The following ZFR2 variants were observed in gnomAD, a reference collection of about 807,000 sequenced individuals.
ZFR2 encodes zinc finger RNA-binding protein 2.
Under a neutral mutation model 105.7 loss-of-function variants are expected in ZFR2, and 104 were observed. The ratio of observed to expected loss-of-function variants is 0.98; its 90% confidence interval spans 0.84 to 1.16. ZFR2 has a LOEUF of 1.16. Among genes scored for constraint, ZFR2 ranks in the 50% most tolerant of loss-of-function variants. The pLI, the probability that ZFR2 is intolerant of heterozygous loss-of-function variation, is 0.00. For synonymous variants in ZFR2, 634 were observed against 597.7 expected (o/e 1.06, Z -0.89); for missense variants, 1,425 against 1,355.5 (o/e 1.05, Z -0.80).
At chr19:3,861,650 G>C (rs976083145) in intron 1 of ZFR2, among the ~76,000 whole-genome samples, 3 of 150,346 alleles carry the variant, frequency 2.0e-5, no homozygotes, top group Admixed American at 2.0e-4. Flanking sequence ...ATAGGGCTGG[G>C]CACGGTGGCT....
At chr19:3,810,678 C>G in intron 16 of ZFR2, 72 bp downstream of exon 16, 1 of 1,406,588 alleles carries the variant, frequency 7.1e-7, no homozygotes, top group East Asian at 2.5e-5. Flanking sequence ...TGTCTCTCAG[C>G]CTGGGCCTGT....
In ZFR2 at chr19:3,833,714, G is replaced by A; in HGVS notation, c.329C>T (p.Ser110Phe). 2 of 1,580,042 alleles carry A rather than the reference G, an allele frequency of 1.3e-6. No individual in the cohort carries two copies. Among genetic ancestry groups the A allele is most frequent in the Non-Finnish European group, 1.7e-6 (2 of 1,162,724 alleles). The change falls in exon 3 of 19, where the codon TCT (serine) becomes TTT (phenylalanine). Residue 110 changes from serine to phenylalanine, a missense_variant. Transcript: ENST00000262961. ...CATGCGCCCAGACTGGAGGGCAGCA[G>A]ACTGGAAGTACGGCCTGTCCTCATA... ...RSYEDRPYFQ[S>F]AALQSGRMTA...
intron 1 of ZFR2, chr19:3,855,571 T>C (rs2038288230): frequency 1.5e-6 from 1 of 665,274 alleles, no homozygotes. Context: ...TGCGCGATAG[T>C]CCAGGGAGAC....
chr19:3,815,249 C>T (rs1350359989), intron 13 of ZFR2, among the ~76,000 whole-genome samples: 1 of 152,024 alleles, frequency 6.6e-6, no homozygotes, highest in African/African-American at 2.4e-5. Context: ...ACCACCATGC[C>T]CGGCTAATTT....
At chr19:3,818,690 C>T (rs894936961) in intron 12 of ZFR2, among the ~76,000 whole-genome samples, 1 of 152,208 alleles carries the variant, frequency 6.6e-6, no homozygotes, top group Admixed American at 6.6e-5. Flanking sequence ...CTCCCCAAGG[C>T]GGAGAAGTCC....
chr19:3,808,694 C>T (rs1488472496), intron 17 of ZFR2, among the ~76,000 whole-genome samples, 178 bp downstream of exon 17: 2 of 152,260 alleles, frequency 1.3e-5, no homozygotes, highest in African/African-American at 4.8e-5. Context: ...TGGTGTCCTC[C>T]ATGACCGCGG....
chr19:3,842,930 C>T (rs1216085912), intron 1 of ZFR2, among the ~76,000 whole-genome samples: 1 of 152,034 alleles, frequency 6.6e-6, no homozygotes, highest in South Asian at 2.1e-4. Context: ...TGGCCCATTT[C>T]AGAACATTTC....
At position 3,806,078 on chromosome 19, in the gene ZFR2, G is replaced by A. The variant is rs1235941771; in HGVS notation, c.2691C>T (p.Gly897=). Residue 897 remains glycine, a synonymous_variant, in exon 19 of 19, where the codon GGC becomes GGT. Transcript: ENST00000262961. The part of the protein sequence containing the change: ...LAFRQTHKVL[G]MDLLPPRHRL... The stretch of plus-strand genomic sequence containing the variant: ...GGTGTCTGGGCGGCAGGAGATCCAT[G>A]CCCAGGACCTTGTGGGTCTGCCGGA... 2 of 1,514,852 alleles carry A rather than the reference G, an allele frequency of 1.3e-6. No homozygotes were observed. The highest frequency in any genetic ancestry group is 5.1e-5 in the East Asian group (2 of 39,130). The allele number at this position is 1,514,852 out of a possible 1,614,324, so 93.8% of individuals were successfully genotyped here.
intron 11 of ZFR2, among the ~76,000 whole-genome samples, chr19:3,819,493 A>G (rs1409847511): frequency 6.6e-6 from 1 of 152,208 alleles, no homozygotes. Flanking sequence ...CCATATTCTT[A>G]AATTTCCAGA....
chr19:3,813,639 G>A lies in ZFR2; in HGVS notation c.2242+181C>T, dbSNP rs2037794872. On this transcript the variant is annotated intron_variant, in intron 14 of 18. Transcript: ENST00000262961. This position sits in a 1 kb window ranked among gnomAD's most constrained non-coding sequence, Gnocchi z 4.4. ...CTGTCACCGACTCGCCGCCTCTGCTGCCCGGAGACCCAGCTCTTGTGTGAC... is the reference window on the plus strand; with the variant it reads ...CTGTCACCGACTCGCCGCCTCTGCTACCCGGAGACCCAGCTCTTGTGTGAC... Among the ~76,000 whole-genome samples, 3 of 152,216 alleles carry A rather than the reference G, an allele frequency of 2.0e-5. No individual in the cohort carries two copies. In the South Asian group the frequency reaches 6.2e-4, roughly 31 times the overall value.
chr19:3,851,793 A>G (rs942975543), intron 1 of ZFR2: 16 of 153,612 alleles, frequency 1.0e-4, no homozygotes, highest in African/African-American at 3.9e-4. Context: ...GCAAAATTAC[A>G]TGAAATTCAC....
At chr19:3,810,542 G>T (rs574993441) in intron 16 of ZFR2, among the ~76,000 whole-genome samples, 1 of 152,374 alleles carries the variant, frequency 6.6e-6, no homozygotes, top group East Asian at 1.9e-4. Context: ...GAGGTTCTGG[G>T]TTTTGAATAG....
At chr19:3,833,325 G>T (rs1015627195) in intron 3 of ZFR2, among the ~76,000 whole-genome samples, 1 of 150,726 alleles carries the variant, frequency 6.6e-6, no homozygotes, top group Non-Finnish European at 1.5e-5. Flanking sequence ...GCCTGTAATC[G>T]CAGCACTTTG....
intron 14 of ZFR2, among the ~76,000 whole-genome samples, chr19:3,812,120 T>A (rs541944060): frequency 3.9e-5 from 6 of 152,208 alleles, no homozygotes; most frequent in Admixed American, 2.6e-4. Flanking sequence ...ATTTTTATAT[T>A]TTTAGTAGAG....
chr19:3,826,689 C>T lies in ZFR2; in HGVS notation c.1035+782G>A, dbSNP rs953905077. ...CCAACCTCATGCGATCCACTCGCCTCGGCCTCCCAAAGTGCCGGGATTACA... is the reference window on the plus strand; with the variant it reads ...CCAACCTCATGCGATCCACTCGCCTTGGCCTCCCAAAGTGCCGGGATTACA... On this transcript the variant is annotated intron_variant, in intron 6 of 18. Coordinates refer to ENST00000262961, the MANE Select transcript of ZFR2 (RefSeq NM_015174.2). 1.1e-3 allele frequency among the ~76,000 whole-genome samples: 165 copies of T among 151,854 alleles called. 4 individuals are homozygous for T. The highest frequency in any genetic ancestry group is 3.2e-4 in the Non-Finnish European group (22 of 67,948).
Position 3,823,367 on chromosome 19 carries a change from T to G in ZFR2, c.1250A>C (p.Gln417Pro), listed in dbSNP as rs771313682. 2.5e-6 allele frequency: 4 copies of G among 1,613,596 alleles called. No individual in the cohort carries two copies. In the Admixed American group the frequency reaches 6.7e-5, roughly 27 times the overall value. Reference protein sequence around the residue: ...PEPQAAGCRPQWGKPAQPKLE... With the variant: ...PEPQAAGCRPPWGKPAQPKLE... ...TTTAGGTTGGGCTGGTTTCCCCCAC[T>G]GGGGTCTGCAGCCTGCTGCCTGTGG... Residue 417 changes from glutamine (Q) to proline (P), a missense_variant, in exon 8 of 19, where the codon CAG becomes CCG. Coordinates refer to ENST00000262961, the MANE Select transcript of ZFR2 (RefSeq NM_015174.2). The surrounding 1 kb of genome is among the most constrained non-coding windows in gnomAD (Gnocchi z 5.4).
chr19:3,806,190 G>A, intron 18 of ZFR2, 65 bp from the exon 19 acceptor site: 1 of 1,388,498 alleles, frequency 7.2e-7, no homozygotes, highest in Admixed American at 3.3e-5. Flanking sequence ...TGGGGACACA[G>A]AGGGGCTGGT....
chr19:3,839,419 G>T (rs1292400112), intron 1 of ZFR2, among the ~76,000 whole-genome samples: 2 of 151,630 alleles, frequency 1.3e-5, no homozygotes, highest in African/African-American at 4.8e-5. Flanking sequence ...TGTAGTCCCA[G>T]CTACTCAGGA....
chr19:3,812,254 GTT>G (rs892464429), intron 14 of ZFR2, among the ~76,000 whole-genome samples: 2 of 151,666 alleles, frequency 1.3e-5, no homozygotes, highest in African/African-American at 4.8e-5. Flanking sequence ...AAATTTTTTT[GTT>G]TTTTTTATAA....
Sources: allele counts gnomAD v4.1 joint callset (sites outside exome capture counted in the v4.1 genomes callset), GRCh38; gene constraint gnomAD v4.1.1; non-coding constraint Gnocchi (gnomAD v3.1); transcripts MANE v1.5; gene names NCBI Gene and HGNC (gene_info 2026-07-23, HGNC 2026-07-21).